Variants in MX1 observed in about 807,000 individuals in gnomAD.
The protein encoded by MX1 is interferon-induced GTP-binding protein Mx1.
A neutral mutation model predicts 66.4 loss-of-function variants in MX1; 66 were observed. The observed-to-expected ratio is 0.99, with a 90% CI of 0.82 to 1.22. MX1 has a LOEUF of 1.22. Ranked by LOEUF, MX1 falls within the 50% of genes most tolerant of loss-of-function variation. The pLI is 0.00. For missense variants in MX1, 787 were observed against 834.3 expected (o/e 0.94, Z 0.70); for synonymous variants, 311 against 318.1 (o/e 0.98, Z 0.24).
intron 15 of MX1, 123 bp from the exon 16 acceptor site, chr21:41,452,498 C>G (rs757002552): frequency 2.2e-5 from 25 of 1,137,710 alleles, no homozygotes; most frequent in Non-Finnish European, 3.1e-5. Context: ...GAGGGCTGTT[C>G]CAGGAAACGT....
At chr21:41,425,227 AAG>A (rs1450052526), upstream of MX1, among the ~76,000 whole-genome samples, 2 of 152,256 alleles carry the variant, frequency 1.3e-5, no homozygotes, top group Non-Finnish European at 2.9e-5. Flanking sequence ...TGAGTCCGAA[AAG>A]AGAGTCAGCG....
upstream of MX1, among the ~76,000 whole-genome samples, chr21:41,424,224 T>TGA (rs1201934507): frequency 1.8e-5 from 2 of 110,764 alleles, no homozygotes; most frequent in Non-Finnish European, 3.8e-5. Context: ...CCAGAGGGGT[T>TGA]GAGTGTGTGT....
At chr21:41,445,785 G>A in intron 12 of MX1, 2 of 824,986 alleles carry the variant, frequency 2.4e-6, no homozygotes, top group Non-Finnish European at 3.7e-6. Context: ...GCTGCGTTGT[G>A]CCTACTCTGT....
At chr21:41,449,116 G>A (rs1672663016) in intron 13 of MX1, 21 bp from the exon 14 acceptor site, 7 of 1,560,578 alleles carry the variant, frequency 4.5e-6, no homozygotes, top group South Asian at 1.2e-5. Context: ...ATAATTTAGA[G>A]GGTTTTTTTT....
rs2146107047 is a variant in MX1, at chr21:41,431,977, G to A, written c.-21-73G>A. ...CCACCTCCAGGGGCCTTCCGTTCTG[G>A]TGGTGGGTTTGGTTCCATGGTTGAA... On this transcript the variant is annotated intron_variant, in intron 4 of 16. Transcript: ENST00000398598. The A allele has an allele frequency of 2.4e-6, 3 of 1,246,616 alleles. No individual in the cohort carries two copies. The South Asian group carries it at 3.8e-5, about 16-fold the overall frequency. 77.2% of individuals were successfully genotyped at this position (1,246,616 alleles called of 1,614,324 possible).
intron 16 of MX1, 127 bp from the exon 17 acceptor site, chr21:41,458,401 A>C: frequency 9.0e-7 from 1 of 1,112,518 alleles, no homozygotes; most frequent in Admixed American, 2.1e-5. Context: ...AACCCAGGGG[A>C]AGGTCATTGC....
Position 41,439,850 on chromosome 21 carries a change from T to A in MX1, c.591+2T>A. 1 of 1,608,782 alleles carries A rather than the reference T, an allele frequency of 6.2e-7. No individual in the cohort carries two copies. Among genetic ancestry groups the A allele is most frequent in the Non-Finnish European group, 8.5e-7 (1 of 1,177,606 alleles). ...CAGCCTGCTGACATTGGGTATAAGGTCAGACTTCAGACCCATTCTGACCTT... is the reference window on the plus strand; with the variant it reads ...CAGCCTGCTGACATTGGGTATAAGGACAGACTTCAGACCCATTCTGACCTT... On this transcript the variant is annotated splice_donor_variant, in intron 8 of 16. Coordinates refer to ENST00000398598, the MANE Select transcript of MX1 (RefSeq NM_002462.5). LOFTEE classifies it high-confidence loss of function.
At chr21:41,440,783 C>G in intron 8 of MX1, 104 bp from the exon 9 acceptor site, 1 of 1,343,416 alleles carries the variant, frequency 7.4e-7, no homozygotes, top group Non-Finnish European at 1.1e-6. Context: ...GGGGAAATAC[C>G]CCTGGGACTC....
At position 41,439,753 on chromosome 21, in the gene MX1, A is replaced by G. The variant is rs1383499497; in HGVS notation, c.496A>G (p.Ile166Val). Residue 166 changes from isoleucine to valine, a missense_variant, in exon 8 of 17, where the codon ATC becomes GTC. Physicochemically the swap from Ile to Val is conservative, Grantham distance 29. Coordinates refer to ENST00000398598, the MANE Select transcript of MX1 (RefSeq NM_002462.5). ...GISHELITLE[I>V]SSRDVPDLTL... is the part of the protein sequence containing the mutation. ...CAGTCATGAGCTAATCACCCTGGAG[A>G]TCAGCTCCCGAGATGTCCCGGATCT... is the stretch of plus-strand genomic sequence containing the variant. 3.7e-6 allele frequency: 6 copies of G among 1,613,928 alleles called. No individual in the cohort carries two copies. Among genetic ancestry groups the G allele is most frequent in the Non-Finnish European group, 5.1e-6 (6 of 1,179,996 alleles).
upstream of MX1, among the ~76,000 whole-genome samples, chr21:41,422,561 C>T (rs1350731134): frequency 6.6e-6 from 1 of 151,732 alleles, no homozygotes; most frequent in Non-Finnish European, 1.5e-5. Context: ...TCAGGGATGG[C>T]AATGGGGTAA....
intron 7 of MX1, 72 bp downstream of exon 7, chr21:41,437,224 C>G: frequency 1.3e-6 from 2 of 1,548,320 alleles, no homozygotes; most frequent in South Asian, 1.2e-5. Context: ...ACTGTTCATA[C>G]TCCCACCTCC....
At chr21:41,440,802 TA>T in intron 8 of MX1, 84 bp from the exon 9 acceptor site, 1 of 1,540,124 alleles carries the variant, frequency 6.5e-7, no homozygotes, top group Non-Finnish European at 9.0e-7. Flanking sequence ...TCTTAGGGCC[TA>T]AAGCAAGTGC....
chr21:41,449,439 G>A (rs1381687443), intron 14 of MX1, 144 bp downstream of exon 14: 5 of 749,972 alleles, frequency 6.7e-6, no homozygotes, highest in Non-Finnish European at 8.3e-6. Flanking sequence ...ATGCCAAGTT[G>A]GTATTCAACA....
At chr21:41,453,129 A>G (rs1189593640) in intron 16 of MX1, among the ~76,000 whole-genome samples, 1 of 152,314 alleles carries the variant, frequency 6.6e-6, no homozygotes, top group East Asian at 1.9e-4. Flanking sequence ...GCAGAAGGCA[A>G]TGGGCACTTC....
At chr21:41,425,084 T>A (rs1461930632), upstream of MX1, among the ~76,000 whole-genome samples, 2 of 152,194 alleles carry the variant, frequency 1.3e-5, no homozygotes, top group African/African-American at 4.8e-5. Flanking sequence ...TGCTTAAAAT[T>A]TTAGCCTATG....
Position 41,435,864 on chromosome 21 carries a change from T to C in MX1, c.133T>C (p.Tyr45His), listed in dbSNP as rs2090344183. Reference sequence around the variant, plus strand: ...GGCTGAGAACAACCTGTGCAGCCAGTATGAGGAGAAGGTGCGCCCCTGCAT... The same window carrying C: ...GGCTGAGAACAACCTGTGCAGCCAGCATGAGGAGAAGGTGCGCCCCTGCAT... ...SVAENNLCSQYEEKVRPCIDL... is the reference protein window; with the variant it reads ...SVAENNLCSQHEEKVRPCIDL... Residue 45 changes from tyrosine to histidine, a missense_variant, in exon 6 of 17, where the codon TAT becomes CAT. Coordinates refer to ENST00000398598, the MANE Select transcript of MX1 (RefSeq NM_002462.5). 1 of 1,612,604 alleles carries C rather than the reference T, an allele frequency of 6.2e-7. No homozygotes were observed. The highest frequency in any genetic ancestry group is 8.5e-7 in the Non-Finnish European group (1 of 1,178,704).
chr21:41,439,474 C>T (rs1285655068), intron 7 of MX1, among the ~76,000 whole-genome samples: 1 of 152,206 alleles, frequency 6.6e-6, no homozygotes, highest in Non-Finnish European at 1.5e-5. Flanking sequence ...GTGACGTTCT[C>T]ACAAGGTCTC....
At chr21:41,455,716 G>C (rs1226876484) in intron 16 of MX1, among the ~76,000 whole-genome samples, 1 of 152,244 alleles carries the variant, frequency 6.6e-6, no homozygotes, top group Non-Finnish European at 1.5e-5. Context: ...TTCTGATGGG[G>C]CTGCCTTGTT....
rs533056736 is a variant in MX1, at chr21:41,441,170, G to A, written c.730+145G>A. ...AGAATGGGGGAGCCCGCCTGTGCTC[G>A]GTGGTCTGCCAGTGGGCAAGCGTCC... On this transcript the variant is annotated intron_variant, in intron 9 of 16. Coordinates refer to ENST00000398598, the MANE Select transcript of MX1 (RefSeq NM_002462.5). This position sits in a 1 kb window ranked among gnomAD's most constrained non-coding sequence, Gnocchi z 4.0. 5.8e-5 allele frequency: 71 copies of A among 1,226,546 alleles called. No individual in the cohort carries two copies. The highest frequency in any genetic ancestry group is 1.4e-4 in the Admixed American group (5 of 34,976). 76.0% of individuals were successfully genotyped at this position (1,226,546 alleles called of 1,614,324 possible).
Sources: gnomAD v4.1 joint callset for allele counts (sites outside exome capture counted in the v4.1 genomes callset) on GRCh38, gnomAD v4.1.1 for gene constraint, Gnocchi (gnomAD v3.1) non-coding constraint, MANE v1.5 for transcripts, NCBI Gene and HGNC (gene_info 2026-07-23, HGNC 2026-07-21) for gene names.